Variants in THSD7A observed in about 807,000 individuals in gnomAD.
The protein encoded by THSD7A is thrombospondin type-1 domain-containing protein 7A.
In THSD7A, 96 loss-of-function variants were observed where a neutral mutation model predicts 231.3. The observed-to-expected ratio is 0.41, with a 90% confidence interval of 0.35 to 0.49. The LOEUF (loss-of-function observed/expected upper bound fraction) is 0.49, where lower values mean the gene tolerates loss of function less well. THSD7A is among the 20% of genes least tolerant of loss of function. The probability of loss-of-function intolerance (pLI) is 0.05; values close to 1 mark genes in which losing one functional copy is unlikely to be tolerated. For synonymous variants in THSD7A, 940 were observed against 743.3 expected (o/e 1.26, Z -4.30); for missense variants, 2,290 against 2,070.2 (o/e 1.11, Z -2.06).
rs536974765 is a variant in THSD7A at position 11,814,831 on chromosome 7, A to G, written c.190+16926T>C. Among the ~76,000 whole-genome samples, 51 of 152,258 alleles carry G rather than the reference A, an allele frequency of 3.3e-4. No homozygotes were observed. The South Asian group carries it at 7.9e-3, about 24-fold the overall frequency. Reference sequence around the variant, plus strand: ...ATGTAGTCACCACAGCAAACTCTCAAAAGAAGCTGTTTGATAAGAGTGATT... The same window carrying G: ...ATGTAGTCACCACAGCAAACTCTCAGAAGAAGCTGTTTGATAAGAGTGATT... On this transcript the variant is annotated intron_variant, in intron 1 of 27. Coordinates refer to ENST00000423059, the MANE Select transcript of THSD7A (RefSeq NM_015204.3). This position sits in a 1 kb window ranked among gnomAD's most constrained non-coding sequence, Gnocchi z 5.1.
chr7:11,646,438 A>G (rs769317382), intron 1 of THSD7A, among the ~76,000 whole-genome samples: 4 of 152,060 alleles, frequency 2.6e-5, no homozygotes, highest in African/African-American at 7.2e-5. Context: ...TGCTTTAGAG[A>G]ATGGATTGAA....
At chr7:11,677,853 C>T (rs943879584) in intron 1 of THSD7A, among the ~76,000 whole-genome samples, 3 of 152,018 alleles carry the variant, frequency 2.0e-5, no homozygotes, top group Non-Finnish European at 4.4e-5. Flanking sequence ...ACCTAATAGA[C>T]GTCTACAAAA....
chr7:11,471,107 G>C (rs1251419560), intron 8 of THSD7A, among the ~76,000 whole-genome samples: 1 of 151,870 alleles, frequency 6.6e-6, no homozygotes, highest in African/African-American at 2.4e-5. Context: ...ACTAGAAAAA[G>C]ATGTAGCTTA....
chr7:11,505,320 T>C (rs1431570975), intron 6 of THSD7A, among the ~76,000 whole-genome samples: 1 of 152,196 alleles, frequency 6.6e-6, no homozygotes, highest in Non-Finnish European at 1.5e-5. Context: ...AAATATCCAT[T>C]TCAAATATTT....
At chr7:11,801,897 T>A (rs1784287279) in intron 1 of THSD7A, among the ~76,000 whole-genome samples, 1 of 152,208 alleles carries the variant, frequency 6.6e-6, no homozygotes, top group Non-Finnish European at 1.5e-5. Context: ...ACTGCATAGT[T>A]ATCAGGAATA....
intron 1 of THSD7A, among the ~76,000 whole-genome samples, chr7:11,781,466 A>G (rs1490016474): frequency 6.6e-6 from 1 of 152,120 alleles, no homozygotes; most frequent in Non-Finnish European, 1.5e-5. Context: ...AAACAAGCAA[A>G]CAAAAAAGAA....
intron 6 of THSD7A, among the ~76,000 whole-genome samples, chr7:11,501,408 A>C (rs1787332096): frequency 6.6e-6 from 1 of 152,256 alleles, no homozygotes. Context: ...AATGTAAAGG[A>C]ACCAAAATCA....
intron 6 of THSD7A, among the ~76,000 whole-genome samples, chr7:11,498,484 C>T (rs1297973846): frequency 6.6e-6 from 1 of 152,114 alleles, no homozygotes; most frequent in Non-Finnish European, 1.5e-5. Context: ...CTGAATTCCC[C>T]CTGGGACTGC....
intron 4 of THSD7A, among the ~76,000 whole-genome samples, chr7:11,551,887 T>C (rs185812984): frequency 2.0e-5 from 3 of 152,136 alleles, no homozygotes; most frequent in East Asian, 1.9e-4. Flanking sequence ...TAAAGACATA[T>C]GCATGCATAT....
chr7:11,546,202 G>GCGCGCGCGCGCACACACACACACA (rs761841418), intron 4 of THSD7A, among the ~76,000 whole-genome samples: 71 of 129,444 alleles, frequency 5.5e-4, no homozygotes, highest in East Asian at 4.3e-3. Context: ...GTGGGCGCGC[G>GCGCGCGCGCGCACACACACACACA]CTCACACACA....
chr7:11,652,648 C>A (rs1390818844), intron 1 of THSD7A, among the ~76,000 whole-genome samples: 1 of 151,672 alleles, frequency 6.6e-6, no homozygotes, highest in Non-Finnish European at 1.5e-5. Context: ...AACAAATATA[C>A]CATATTATGT....
At chr7:11,605,532 T>A (rs1226994779) in intron 2 of THSD7A, among the ~76,000 whole-genome samples, 1 of 152,124 alleles carries the variant, frequency 6.6e-6, no homozygotes, top group African/African-American at 2.4e-5. Flanking sequence ...AATCAGAATC[T>A]GATTTTAACA....
intron 19 of THSD7A, among the ~76,000 whole-genome samples, chr7:11,409,431 G>A (rs151286727): frequency 6.6e-6 from 1 of 152,256 alleles, no homozygotes; most frequent in South Asian, 2.1e-4. Context: ...AAATATTGTA[G>A]TATTTGCATG....
chr7:11,599,752 T>G (rs953774822), intron 2 of THSD7A, among the ~76,000 whole-genome samples: 20 of 152,170 alleles, frequency 1.3e-4, no homozygotes, highest in Admixed American at 3.9e-4. Flanking sequence ...TAATACCGAG[T>G]GTCAACTTGA....
intron 1 of THSD7A, among the ~76,000 whole-genome samples, chr7:11,681,781 G>C (rs1267180331): frequency 6.6e-6 from 1 of 151,428 alleles, no homozygotes; most frequent in East Asian, 1.9e-4. Flanking sequence ...TACTAAGCAA[G>C]ACAACCATCT....
chr7:11,552,596 T>G (rs538781249), intron 4 of THSD7A, among the ~76,000 whole-genome samples: 1 of 152,020 alleles, frequency 6.6e-6, no homozygotes, highest in Admixed American at 6.6e-5. Flanking sequence ...CTTGGTAAGG[T>G]TTCCATTTTA....
intron 4 of THSD7A, among the ~76,000 whole-genome samples, chr7:11,581,557 CAT>C (rs35515508): frequency 0.19 from 28,483 of 151,942 alleles, 2,757 homozygotes; most frequent in East Asian, 0.24. Flanking sequence ...TGAATTTTCA[CAT>C]GTTTCTATCC....
At chr7:11,607,048 G>A (rs1780754877) in intron 2 of THSD7A, among the ~76,000 whole-genome samples, 1 of 151,524 alleles carries the variant, frequency 6.6e-6, no homozygotes, top group Non-Finnish European at 1.5e-5. Flanking sequence ...GAAATGAGAA[G>A]CTTTTCAAGG....
chr7:11,636,057 A>G lies in THSD7A; in HGVS notation c.1022+73T>C, dbSNP rs1168870831. On this transcript the variant is annotated intron_variant, in intron 2 of 27. Transcript: ENST00000423059. This position sits in a 1 kb window ranked among gnomAD's most constrained non-coding sequence, Gnocchi z 10.0. ...CTACGTAATCCAGAAGTTATTAGATAGTACCGGATATCTTAGGTACTCATG... is the reference window on the plus strand; with the variant it reads ...CTACGTAATCCAGAAGTTATTAGATGGTACCGGATATCTTAGGTACTCATG... 4 of 1,364,920 alleles carry G rather than the reference A, an allele frequency of 2.9e-6. No individual in the cohort carries two copies. The highest frequency in any genetic ancestry group is 2.9e-5 in the African/African-American group (2 of 68,416). The allele number at this position is 1,364,920 out of a possible 1,614,324, so 84.6% of individuals were successfully genotyped here.
Sources: gnomAD v4.1 joint callset for allele counts (sites outside exome capture counted in the v4.1 genomes callset) on GRCh38, gnomAD v4.1.1 for gene constraint, Gnocchi (gnomAD v3.1) non-coding constraint, MANE v1.5 for transcripts, NCBI Gene and HGNC (gene_info 2026-07-23, HGNC 2026-07-21) for gene names.